LIPC: variants seen among roughly 807,000 people sequenced by gnomAD.
LIPC encodes lipase C, hepatic type.
LIPC carries 44 observed loss-of-function variants against 50.7 expected under a neutral mutation model. The ratio of observed to expected loss-of-function variants is 0.87; its 90% confidence interval spans 0.68 to 1.11. The LOEUF is 1.11. Ranked by LOEUF, LIPC falls within the 50% of genes most tolerant of loss-of-function variation. The probability of loss-of-function intolerance (pLI) is 0.00; values close to 1 mark genes in which losing one functional copy is unlikely to be tolerated. For synonymous variants in LIPC, 271 were observed against 256.4 expected, an observed-to-expected ratio of 1.06 and a Z score of -0.54; for missense variants, 697 against 648.2, an observed-to-expected ratio of 1.08 and a Z score of -0.82.
chr15:58,563,612 G>C lies in LIPC; in HGVS notation c.1277G>C (p.Trp426Ser). The change falls in exon 8 of 9, where the codon TGG (tryptophan) becomes TCG (serine). Residue 426 changes from tryptophan to serine, a missense_variant. Physicochemically the swap from Trp to Ser is radical, Grantham distance 177 (BLOSUM62 -3). Coordinates refer to ENST00000299022, the MANE Select transcript of LIPC (RefSeq NM_000236.3). ...TTCAAGTGGGAAAACAGTGCAGTGT[G>C]GGCCAATGTCTGGGACACGGTCCAG... is the stretch of plus-strand genomic sequence containing the variant. The part of the protein sequence containing the change: ...IKFKWENSAV[W>S]ANVWDTVQTI... 6.2e-7 allele frequency: 1 copy of C among 1,614,186 alleles called. No homozygotes were observed. The highest frequency in any genetic ancestry group is 1.6e-4 in the Middle Eastern group (1 of 6,062).
chr15:58,543,716 A>T (rs1247885656), intron 4 of LIPC, among the ~76,000 whole-genome samples: 1 of 152,036 alleles, frequency 6.6e-6, no homozygotes, highest in East Asian at 1.9e-4. Context: ...AACTCACCGC[A>T]ACCTCTGCCT....
intron 1 of LIPC, among the ~76,000 whole-genome samples, chr15:58,507,775 G>A (rs1022821996): frequency 2.6e-4 from 40 of 152,286 alleles, no homozygotes; most frequent in African/African-American, 8.9e-4. Context: ...AAAGGCATAC[G>A]AATTTATTTT....
In LIPC at chr15:58,558,364, C is replaced by T. The variant is rs554510581; in HGVS notation, c.1052-2500C>T. 4.6e-5 allele frequency among the ~76,000 whole-genome samples: 7 copies of T among 152,344 alleles called. No homozygotes were observed. In the East Asian group the frequency reaches 1.2e-3, roughly 25 times the overall value. On this transcript the variant is annotated intron_variant, in intron 6 of 8. Coordinates refer to ENST00000299022, the MANE Select transcript of LIPC (RefSeq NM_000236.3). ...GGATTACAGGTGCAAGCCACCGTGC[C>T]CAGCCAGCTGTTTTCTTACTTCTCA...
At chr15:58,501,323 A>T (rs536108999) in intron 1 of LIPC, among the ~76,000 whole-genome samples, 2 of 146,398 alleles carry the variant, frequency 1.4e-5, no homozygotes, top group Admixed American at 1.4e-4. Context: ...TCCCAATGTG[A>T]TCATTACCTA....
At chr15:58,561,045 G>T in intron 7 of LIPC, 64 bp downstream of exon 7, 4 of 861,666 alleles carry the variant, frequency 4.6e-6, no homozygotes, top group Admixed American at 3.4e-5. Context: ...AACATAAATG[G>T]ACTCTGTAAT....
intron 1 of LIPC, among the ~76,000 whole-genome samples, chr15:58,529,342 G>T (rs1892891332): frequency 6.6e-6 from 1 of 152,078 alleles, no homozygotes; most frequent in Non-Finnish European, 1.5e-5. Context: ...CCCTTAGCTG[G>T]GTAAGGATTC....
intron 1 of LIPC, among the ~76,000 whole-genome samples, chr15:58,451,616 A>T (rs1302417923): frequency 6.6e-6 from 1 of 152,186 alleles, no homozygotes; most frequent in Non-Finnish European, 1.5e-5. Context: ...GATTGGTCTG[A>T]TTTGGGAAAC....
chr15:58,436,843 A>C, intron 1 of LIPC: 1 of 456,332 alleles, frequency 2.2e-6, no homozygotes, highest in Non-Finnish European at 4.4e-6. Context: ...TTCCTTGTAC[A>C]ATAGCAGAGG....
At chr15:58,560,820 T>A in intron 6 of LIPC, 44 bp from the exon 7 acceptor site, 1 of 822,218 alleles carries the variant, frequency 1.2e-6, no homozygotes, top group Non-Finnish European at 2.1e-6. Flanking sequence ...TTAAAATCAC[T>A]GCTTAAATTA....
chr15:58,548,542 C>T lies in LIPC; in HGVS notation c.1021C>T (p.Leu341Phe), dbSNP rs1268458747. The change falls in exon 6 of 9, where the codon CTC becomes TTC. Residue 341 changes from leucine (L) to phenylalanine (F), a missense_variant. Physicochemically the swap from Leu to Phe is conservative, Grantham distance 22 (BLOSUM62 0). Transcript: ENST00000299022. ...GCGGAGCAAGAGCAAGAGGCTCTTC[C>T]TCGTAACGCGAGCCCAGTCCCCCTT... ...EPRSKSKRLFLVTRAQSPFKV... is the reference protein window; with the variant it reads ...EPRSKSKRLFFVTRAQSPFKV... 1.9e-6 allele frequency: 3 copies of T among 1,595,062 alleles called. No homozygotes were observed. The highest frequency in any genetic ancestry group is 2.6e-6 in the Non-Finnish European group (3 of 1,171,048).
chr15:58,456,982 A>G (rs1180753143), intron 1 of LIPC, among the ~76,000 whole-genome samples: 1 of 152,248 alleles, frequency 6.6e-6, no homozygotes, highest in African/African-American at 2.4e-5. Context: ...GCTAAGTGAG[A>G]ACTAGGCTCC....
At chr15:58,475,745 T>C (rs1247426111) in intron 1 of LIPC, among the ~76,000 whole-genome samples, 8 of 152,138 alleles carry the variant, frequency 5.3e-5, no homozygotes, top group African/African-American at 1.4e-4. Flanking sequence ...CACTGAGAGA[T>C]TACATGAGCC....
Position 58,466,210 on chromosome 15 carries a change from G to A in LIPC, c.88+34090G>A, listed in dbSNP as rs146654332. 1.7e-4 allele frequency among the ~76,000 whole-genome samples: 26 copies of A among 152,344 alleles called. No individual in the cohort carries two copies. In the East Asian group the frequency reaches 3.3e-3, roughly 19 times the overall value. Reference sequence around the variant, plus strand: ...GACTTTTACAGCAATGCGATGGGACGTGCTGAGGGACCATTTGGTCAACTT... The same window carrying A: ...GACTTTTACAGCAATGCGATGGGACATGCTGAGGGACCATTTGGTCAACTT... On this transcript the variant is annotated intron_variant, in intron 1 of 8. Transcript: ENST00000299022.
intron 1 of LIPC, among the ~76,000 whole-genome samples, chr15:58,511,306 G>A (rs115465164): frequency 0.016 from 2,500 of 152,280 alleles, 75 homozygotes; most frequent in African/African-American, 0.058. Flanking sequence ...TCTGCCTGGG[G>A]AGGGAGTGTG....
intron 1 of LIPC, among the ~76,000 whole-genome samples, chr15:58,520,159 T>A (rs1268417751): frequency 6.6e-6 from 1 of 150,812 alleles, no homozygotes; most frequent in Non-Finnish European, 1.5e-5. Flanking sequence ...GTGATTGGTC[T>A]AGATTTGTGG....
At chr15:58,449,214 T>C (rs1893814362) in intron 1 of LIPC, among the ~76,000 whole-genome samples, 1 of 152,214 alleles carries the variant, frequency 6.6e-6, no homozygotes, top group Non-Finnish European at 1.5e-5. Flanking sequence ...TCAGCCACCA[T>C]GCAACCCATC....
intron 1 of LIPC, among the ~76,000 whole-genome samples, chr15:58,518,178 G>A (rs1273835396): frequency 2.0e-5 from 3 of 152,194 alleles, no homozygotes; most frequent in African/African-American, 7.2e-5. Context: ...ACTAATGCCA[G>A]TAGAACTCCC....
chr15:58,554,901 G>C (rs1418881655), intron 6 of LIPC, among the ~76,000 whole-genome samples: 1 of 152,206 alleles, frequency 6.6e-6, no homozygotes, highest in East Asian at 1.9e-4. Context: ...TTTCTCAGGA[G>C]TGCTCCTGCA....
intron 1 of LIPC, among the ~76,000 whole-genome samples, chr15:58,478,359 C>T (rs1308340000): frequency 6.6e-6 from 1 of 152,170 alleles, no homozygotes; most frequent in Non-Finnish European, 1.5e-5. Flanking sequence ...TGGCCTCAGC[C>T]TCCCAAGTAC....
Sources: gnomAD v4.1 joint callset for allele counts (sites outside exome capture counted in the v4.1 genomes callset) on GRCh38, gnomAD v4.1.1 for gene constraint, MANE v1.5 for transcripts, NCBI Gene and HGNC (gene_info 2026-07-23, HGNC 2026-07-21) for gene names.